Variants in PGCKA1 observed in about 807,000 individuals in gnomAD.
The protein encoded by PGCKA1 is PDCD10 and GCKIII kinases-associated protein 1.
chr4:37,560,491 T>C, the PGCKA1 span, among the ~76,000 whole-genome samples: 2 of 152,328 alleles, frequency 1.3e-5, no homozygotes, highest in Admixed American at 6.5e-5. Flanking sequence ...ACTACATGCA[T>C]TGGCATCACT....
At chr4:37,553,126 C>T in the PGCKA1 span, among the ~76,000 whole-genome samples, 1 of 142,310 alleles carries the variant, frequency 7.0e-6, no homozygotes, top group Non-Finnish European at 1.5e-5. Flanking sequence ...CTGGCTGTAC[C>T]AGGCATCAGG....
chr4:37,579,229 T>C, the PGCKA1 span, among the ~76,000 whole-genome samples: 3 of 152,218 alleles, frequency 2.0e-5, no homozygotes, highest in Non-Finnish European at 4.4e-5. Flanking sequence ...GTACAGTCTA[T>C]GTCTTGAAAA....
the PGCKA1 span, among the ~76,000 whole-genome samples, chr4:37,495,287 A>G: frequency 6.6e-6 from 1 of 152,192 alleles, no homozygotes; most frequent in African/African-American, 2.4e-5. Flanking sequence ...TGTTGGTGGG[A>G]GTGTAAATTA....
At chr4:37,541,075 T>A in the PGCKA1 span, among the ~76,000 whole-genome samples, 1 of 141,244 alleles carries the variant, frequency 7.1e-6, no homozygotes, top group African/African-American at 2.6e-5. Flanking sequence ...TCACCTTGAC[T>A]AGCTCTATTT....
chr4:37,546,966 T>C, the PGCKA1 span, among the ~76,000 whole-genome samples: 4,150 of 152,270 alleles, frequency 0.027, 206 homozygotes, highest in African/African-American at 0.094. Flanking sequence ...TGAGTGGAAG[T>C]GTGGCCTGAT....
At chr4:37,507,864 G>A in the PGCKA1 span, among the ~76,000 whole-genome samples, 4 of 152,012 alleles carry the variant, frequency 2.6e-5, no homozygotes, top group African/African-American at 4.8e-5. Context: ...GAACAGGTCT[G>A]GTATTCATGG....
chr4:37,499,580 C>T, the PGCKA1 span, among the ~76,000 whole-genome samples: 8 of 151,958 alleles, frequency 5.3e-5, no homozygotes, highest in Admixed American at 2.0e-4. Flanking sequence ...TTTTCTAGTT[C>T]GTGTACATAG....
the PGCKA1 span, among the ~76,000 whole-genome samples, chr4:37,541,584 G>A: frequency 6.6e-6 from 1 of 152,178 alleles, no homozygotes; most frequent in Admixed American, 6.5e-5. Flanking sequence ...TTAGCCACAT[G>A]GCCGCTGCCA....
At chr4:37,572,107 G>A in the PGCKA1 span, among the ~76,000 whole-genome samples, 1 of 128,336 alleles carries the variant, frequency 7.8e-6, no homozygotes, top group African/African-American at 3.0e-5. Context: ...CTGTCGCCCA[G>A]GCTGGAGTGC....
chr4:37,530,103 G>T, the PGCKA1 span, among the ~76,000 whole-genome samples: 1 of 152,072 alleles, frequency 6.6e-6, no homozygotes, highest in Non-Finnish European at 1.5e-5. Flanking sequence ...ATCTAAACAG[G>T]ATGCATCTGT....
the PGCKA1 span, among the ~76,000 whole-genome samples, chr4:37,469,037 T>C: frequency 3.2e-4 from 49 of 152,168 alleles, no homozygotes; most frequent in Non-Finnish European, 6.6e-4. Context: ...AATACCGTAT[T>C]TTTACTGTAC....
chr4:37,511,676 G>T, the PGCKA1 span, among the ~76,000 whole-genome samples: 1 of 152,168 alleles, frequency 6.6e-6, no homozygotes, highest in Admixed American at 6.5e-5. Context: ...TGGTAGGAGG[G>T]CATGATGTAG....
the PGCKA1 span, among the ~76,000 whole-genome samples, chr4:37,480,503 C>A: frequency 8.2e-6 from 1 of 122,478 alleles, no homozygotes; most frequent in African/African-American, 3.6e-5. Context: ...AAACAAAAAA[C>A]AAACAAACAA....
chr4:37,465,789 AAAC>A, the PGCKA1 span, among the ~76,000 whole-genome samples: 1 of 152,190 alleles, frequency 6.6e-6, no homozygotes, highest in African/African-American at 2.4e-5. Flanking sequence ...GCAGGAATAA[AAAC>A]AATCATACAT....
At chr4:37,483,849 G>A in the PGCKA1 span, among the ~76,000 whole-genome samples, 2 of 152,208 alleles carry the variant, frequency 1.3e-5, no homozygotes, top group African/African-American at 4.8e-5. Context: ...TGTGGGCTGG[G>A]AGGTGAGCAG....
the PGCKA1 span, chr4:37,588,015 A>G: frequency 6.6e-6 from 1 of 152,230 alleles, no homozygotes; most frequent in Non-Finnish European, 1.5e-5. Context: ...ATTAGAAATG[A>G]ATAATATCTA....
chr4:37,547,439 G>A, the PGCKA1 span, among the ~76,000 whole-genome samples: 1 of 152,104 alleles, frequency 6.6e-6, no homozygotes, highest in Non-Finnish European at 1.5e-5. Flanking sequence ...CATAGGTCAG[G>A]CACAAATAAG....
At chr4:37,491,102 G>A in the PGCKA1 span, among the ~76,000 whole-genome samples, 1 of 152,250 alleles carries the variant, frequency 6.6e-6, no homozygotes, top group East Asian at 1.9e-4. Flanking sequence ...TTAAGGAAAA[G>A]AGCAGTCCTC....
the PGCKA1 span, among the ~76,000 whole-genome samples, chr4:37,484,062 C>G: frequency 1.3e-5 from 2 of 152,122 alleles, no homozygotes; most frequent in African/African-American, 4.8e-5. Flanking sequence ...TACCAGCTGA[C>G]TAGTAAAGTA....
Sources: allele counts gnomAD v4.1 joint callset (sites outside exome capture counted in the v4.1 genomes callset), GRCh38; gene constraint gnomAD v4.1.1; transcripts MANE v1.5; gene names NCBI Gene and HGNC (gene_info 2026-07-23, HGNC 2026-07-21).